Variants in RYR2 observed in about 807,000 individuals in gnomAD.
RYR2 encodes the protein ryanodine receptor 2.
In RYR2, 227 loss-of-function variants were observed where a neutral mutation model predicts 601.1. That is an observed-to-expected ratio of 0.38 (90% CI 0.34 to 0.42). The LOEUF is 0.42. Ranked by LOEUF, RYR2 falls within the 10% of genes least tolerant of loss-of-function variation. The probability of loss-of-function intolerance (pLI) is 1.00; values close to 1 mark genes in which losing one functional copy is unlikely to be tolerated. For synonymous variants in RYR2, 2,223 were observed against 2,175.1 expected (o/e 1.02, Z -0.61); for missense variants, 4,646 against 6,156.5 (o/e 0.75, Z 8.21).
chr1:237,242,776 G>T lies in RYR2; in HGVS notation c.49-27721G>T, dbSNP rs756090585. Among the ~76,000 whole-genome samples, 48 of 152,192 alleles carry T rather than the reference G, an allele frequency of 3.2e-4. 1 individual carries two copies. The highest frequency in any genetic ancestry group is 2.0e-4 in the Admixed American group (3 of 15,274). ...CTTACAGCTCTGTGAATTGGAATTT[G>T]AAAGTTGTCAATGCTGTGTTGATTT... On this transcript the variant is annotated intron_variant, in intron 1 of 104. Transcript: ENST00000366574.
At chr1:237,640,756 G>T in intron 46 of RYR2, 141 bp from the exon 47 acceptor site, 1 of 644,014 alleles carries the variant, frequency 1.6e-6, no homozygotes, top group Non-Finnish European at 2.7e-6. Context: ...AAAACGTCAA[G>T]CTCTACATTA....
intron 19 of RYR2, 104 bp downstream of exon 19, chr1:237,493,191 T>C: frequency 4.0e-6 from 5 of 1,251,098 alleles, no homozygotes; most frequent in South Asian, 1.3e-5. Context: ...AATTAGACCA[T>C]ATAGTATTAT....
intron 10 of RYR2, among the ~76,000 whole-genome samples, chr1:237,403,720 C>G (rs1703602149): frequency 6.6e-6 from 1 of 152,160 alleles, no homozygotes; most frequent in South Asian, 2.1e-4. Flanking sequence ...GCTACTGCAC[C>G]CAGACCTAGT....
chr1:237,827,873 C>G (rs774293989), intron 101 of RYR2, among the ~76,000 whole-genome samples: 2 of 125,550 alleles, frequency 1.6e-5, no homozygotes, highest in African/African-American at 5.9e-5. Flanking sequence ...GGAGGCGGAG[C>G]TTGCAGTGAG....
At chr1:237,470,012 A>T (rs1198784618) in intron 17 of RYR2, among the ~76,000 whole-genome samples, 1 of 152,208 alleles carries the variant, frequency 6.6e-6, no homozygotes, top group East Asian at 1.9e-4. Flanking sequence ...CTAGTGCCAT[A>T]GATTGCCTCA....
intron 24 of RYR2, among the ~76,000 whole-genome samples, chr1:237,520,197 G>A (rs764935526): frequency 5.9e-5 from 9 of 152,236 alleles, no homozygotes; most frequent in South Asian, 2.1e-4. Flanking sequence ...TCAAATAAGA[G>A]TTTTTTGTGG....
At chr1:237,516,114 T>C (rs2147815215) in intron 24 of RYR2, among the ~76,000 whole-genome samples, 1 of 152,068 alleles carries the variant, frequency 6.6e-6, no homozygotes, top group East Asian at 1.9e-4. Context: ...CTTACTTACT[T>C]ATTTATTTGT....
chr1:237,270,692 A>G, intron 2 of RYR2, 76 bp downstream of exon 2: 1 of 1,459,974 alleles, frequency 6.8e-7, no homozygotes, highest in Non-Finnish European at 9.4e-7. Context: ...TGAGCTCTCT[A>G]CTATTTTCTG....
chr1:237,579,248 C>CTTTTTTT (rs546960253), intron 29 of RYR2, among the ~76,000 whole-genome samples: 8 of 68,074 alleles, frequency 1.2e-4, no homozygotes, highest in Admixed American at 4.2e-4. Flanking sequence ...TCTTCTTCTT[C>CTTTTTTT]TTTTTTTTTT....
intron 1 of RYR2, among the ~76,000 whole-genome samples, chr1:237,200,801 T>A (rs1009496721): frequency 5.3e-5 from 8 of 152,366 alleles, no homozygotes; most frequent in Non-Finnish European, 4.4e-5. Flanking sequence ...GAGTGCATAT[T>A]TCTTTGAATT....
At chr1:237,439,497 A>G (rs1329716497) in intron 12 of RYR2, among the ~76,000 whole-genome samples, 1 of 152,064 alleles carries the variant, frequency 6.6e-6, no homozygotes, top group Non-Finnish European at 1.5e-5. Flanking sequence ...TACAAAAATT[A>G]GCAGGGTGTG....
chr1:237,254,079 T>C (rs1035162963), intron 1 of RYR2, among the ~76,000 whole-genome samples: 6 of 152,182 alleles, frequency 3.9e-5, no homozygotes, highest in African/African-American at 1.4e-4. Flanking sequence ...TGTCAAAACA[T>C]ATCCCAGAAA....
intron 1 of RYR2, among the ~76,000 whole-genome samples, chr1:237,074,143 C>A (rs1042239419): frequency 6.6e-6 from 1 of 151,636 alleles, no homozygotes; most frequent in Non-Finnish European, 1.5e-5. Flanking sequence ...ATAGTGAGAC[C>A]CCATCTCTAA....
chr1:237,571,785 A>G (rs1279489260), intron 29 of RYR2, among the ~76,000 whole-genome samples: 5 of 152,170 alleles, frequency 3.3e-5, no homozygotes, highest in Admixed American at 1.3e-4. Flanking sequence ...TGTGTAACTC[A>G]ATATCTATGT....
Position 237,395,947 on chromosome 1 carries a change from G to T in RYR2, c.773+7764G>T, listed in dbSNP as rs1318368868. On this transcript the variant is annotated intron_variant, in intron 10 of 104. Coordinates refer to ENST00000366574, the MANE Select transcript of RYR2 (RefSeq NM_001035.3). ...ATTCATCTCTTCCATTCAGTTTTCA[G>T]CCAGGGCTGTGCCATTCATTTCTTG... is the stretch of plus-strand genomic sequence containing the variant. Among the ~76,000 whole-genome samples the T allele has an allele frequency of 2.0e-5, 3 of 152,120 alleles. No individual in the cohort carries two copies. In the East Asian group the frequency reaches 5.8e-4, roughly 29 times the overall value.
At chr1:237,159,675 A>G (rs537016587) in intron 1 of RYR2, among the ~76,000 whole-genome samples, 4 of 152,270 alleles carry the variant, frequency 2.6e-5, no homozygotes, top group South Asian at 2.1e-4. Flanking sequence ...TACCACAACT[A>G]CTACTAGTAG....
chr1:237,550,212 G>T (rs996366013), intron 26 of RYR2, among the ~76,000 whole-genome samples: 1 of 152,200 alleles, frequency 6.6e-6, no homozygotes, highest in East Asian at 1.9e-4. Context: ...CCCTGTCCAT[G>T]AACTGTACTC....
At position 237,508,773 on chromosome 1, in the gene RYR2, T is replaced by C. The variant is rs369347957; in HGVS notation, c.2718+1959T>C. ...TTTTTTTTTTTTTGAGACGGAGTCT[T>C]GCTCTGTCGCCCAGGCTGGAGTGCA... is the stretch of plus-strand genomic sequence containing the variant. On this transcript the variant is annotated intron_variant, in intron 23 of 104. Coordinates refer to ENST00000366574, the MANE Select transcript of RYR2 (RefSeq NM_001035.3). 2.7e-3 allele frequency among the ~76,000 whole-genome samples: 357 copies of C among 132,932 alleles called. 4 individuals carry two copies. In the East Asian group the frequency reaches 0.036, roughly 13 times the overall value. The allele number at this position is 132,932 out of a possible 152,430, so 87.2% of individuals were successfully genotyped here.
chr1:237,743,971 GT>G (rs1215973869), intron 80 of RYR2, among the ~76,000 whole-genome samples: 1 of 152,090 alleles, frequency 6.6e-6, no homozygotes, highest in African/African-American at 2.4e-5. Context: ...CCCTCTTGAT[GT>G]TTTTCAACAC....
Sources: allele counts gnomAD v4.1 joint callset (sites outside exome capture counted in the v4.1 genomes callset), GRCh38; gene constraint gnomAD v4.1.1; transcripts MANE v1.5; gene names NCBI Gene and HGNC (gene_info 2026-07-23, HGNC 2026-07-21).